Variants in RANBP17 observed in about 807,000 individuals in gnomAD.
The protein encoded by RANBP17 is RAN binding protein 17.
Under a neutral mutation model 141.2 loss-of-function variants are expected in RANBP17, and 158 were observed. That is an observed-to-expected ratio of 1.12 (90% CI 0.98 to 1.28). The LOEUF (loss-of-function observed/expected upper bound fraction) is 1.28. RANBP17 is among the 50% of genes most tolerant of loss of function. The pLI is 0.00. For synonymous variants in RANBP17, 430 were observed against 450.0 expected (o/e 0.96, Z 0.56); for missense variants, 1,438 against 1,290.7 (o/e 1.11, Z -1.75).
At chr5:171,060,708 C>G (rs1337791793) in intron 14 of RANBP17, among the ~76,000 whole-genome samples, 1 of 151,840 alleles carries the variant, frequency 6.6e-6, no homozygotes, top group Non-Finnish European at 1.5e-5. Context: ...CCCTCTTTTT[C>G]TATTGATTGG....
chr5:171,262,488 A>G lies in RANBP17; in HGVS notation c.2777-3193A>G, dbSNP rs1001769464. 3.2e-4 allele frequency among the ~76,000 whole-genome samples: 49 copies of G among 152,198 alleles called. 1 individual carries two copies. The highest frequency in any genetic ancestry group is 3.2e-3 in the Admixed American group (49 of 15,276). On this transcript the variant is annotated intron_variant, in intron 24 of 27. Coordinates refer to ENST00000523189, the MANE Select transcript of RANBP17 (RefSeq NM_022897.5). ...ATCAATCAAATGCCATGTCTTTAGGAGGGAAAGCTCTATTTTTGGCTTTTA... is the reference window on the plus strand; with the variant it reads ...ATCAATCAAATGCCATGTCTTTAGGGGGGAAAGCTCTATTTTTGGCTTTTA...
In RANBP17 at chr5:171,245,802, T is replaced by A. The variant is rs537971649; in HGVS notation, c.2776+2982T>A. On this transcript the variant is annotated intron_variant, in intron 24 of 27. Transcript: ENST00000523189. ...AGTTCCTCCACAAATGACTTCCAGC[T>A]TGTAATCTTCAGGAATTATTTGGCC... Among the ~76,000 whole-genome samples the A allele has an allele frequency of 5.3e-5, 8 of 152,302 alleles. 1 individual carries two copies. The highest frequency in any genetic ancestry group is 1.7e-4 in the African/African-American group (7 of 41,560).
chr5:171,133,550 C>T (rs921622919), intron 14 of RANBP17, among the ~76,000 whole-genome samples: 1 of 152,028 alleles, frequency 6.6e-6, no homozygotes, highest in Non-Finnish European at 1.5e-5. Flanking sequence ...AACAATCTTT[C>T]ATATATACTA....
At chr5:171,019,233 G>C (rs1016811275) in intron 14 of RANBP17, among the ~76,000 whole-genome samples, 1 of 152,018 alleles carries the variant, frequency 6.6e-6, no homozygotes, top group Non-Finnish European at 1.5e-5. Context: ...TATGTCATGT[G>C]TCTTCCCGGC....
At chr5:170,911,198 T>C in intron 7 of RANBP17, 64 bp downstream of exon 7, 1 of 1,418,954 alleles carries the variant, frequency 7.0e-7, no homozygotes, top group Middle Eastern at 1.8e-4. Context: ...CAATATAGTT[T>C]CTGTATGTAT....
chr5:170,958,009 A>G (rs956068508), intron 13 of RANBP17, among the ~76,000 whole-genome samples: 2 of 152,332 alleles, frequency 1.3e-5, no homozygotes, highest in Non-Finnish European at 1.5e-5. Context: ...TATAACTACC[A>G]TGAATAATGA....
intron 14 of RANBP17, among the ~76,000 whole-genome samples, chr5:170,998,102 A>C (rs1053807462): frequency 3.9e-5 from 6 of 152,034 alleles, no homozygotes; most frequent in African/African-American, 9.7e-5. Flanking sequence ...AAAAAAAAAA[A>C]AAACCCTTTT....
intron 14 of RANBP17, among the ~76,000 whole-genome samples, chr5:171,138,514 C>T (rs1757467530): frequency 6.8e-6 from 1 of 146,828 alleles, no homozygotes; most frequent in Non-Finnish European, 1.5e-5. Flanking sequence ...TCCCACCAGG[C>T]AGTTTCTCCT....
rs779964954 is a variant in RANBP17 at position 171,241,108 on chromosome 5, A to C, written c.2603A>C (p.Lys868Thr). 1 of 1,613,838 alleles carries C rather than the reference A, an allele frequency of 6.2e-7. No homozygotes were observed. The highest frequency in any genetic ancestry group is 1.1e-5 in the South Asian group (1 of 91,060). ...HFDNVLQAFV[K>T]MLLSVSHSDL... Reference sequence around the variant, plus strand: ...GACAATGTACTCCAGGCTTTTGTCAAAATGCTGCTGTCAGTGTCCCACAGT... The same window carrying C: ...GACAATGTACTCCAGGCTTTTGTCACAATGCTGCTGTCAGTGTCCCACAGT... The change falls in exon 23 of 28, where the codon AAA (lysine) becomes ACA (threonine). Residue 868 changes from lysine to threonine, a missense_variant. Physicochemically the swap from Lys to Thr is moderately conservative, Grantham distance 78. Coordinates refer to ENST00000523189, the MANE Select transcript of RANBP17 (RefSeq NM_022897.5).
intron 18 of RANBP17, among the ~76,000 whole-genome samples, chr5:171,191,213 C>G (rs1002721366): frequency 2.0e-5 from 3 of 151,956 alleles, no homozygotes; most frequent in Non-Finnish European, 4.4e-5. Context: ...GAAGAGTATT[C>G]TAGAAATAGC....
At chr5:170,902,467 A>G (rs143481425) in intron 5 of RANBP17, among the ~76,000 whole-genome samples, 2,029 of 152,228 alleles carry the variant, frequency 0.013, 47 homozygotes, top group African/African-American at 0.043. Flanking sequence ...GGGTTAGAAC[A>G]TGCTCCTTTA....
At chr5:170,895,972 G>T (rs1770079382) in intron 4 of RANBP17, 78 bp from the exon 5 acceptor site, 3 of 685,266 alleles carry the variant, frequency 4.4e-6, no homozygotes, top group South Asian at 3.4e-5. Flanking sequence ...TTAATTGTTT[G>T]TAAATGTTAC....
chr5:170,878,362 G>A (rs1389466024), intron 2 of RANBP17, 119 bp downstream of exon 2: 1 of 870,222 alleles, frequency 1.1e-6, no homozygotes, highest in African/African-American at 1.7e-5. Flanking sequence ...TTTTGTTTTT[G>A]TGAAACTATA....
chr5:171,249,032 G>A (rs891713844), intron 24 of RANBP17, among the ~76,000 whole-genome samples: 8 of 152,244 alleles, frequency 5.3e-5, no homozygotes, highest in South Asian at 2.1e-4. Context: ...AGACAGGCAC[G>A]TTCATCCCAC....
Position 170,892,526 on chromosome 5 carries a change from T to G in RANBP17, c.396T>G (p.Ile132Met). Reference protein sequence around the residue: ...VQKDQFVFREIIADVKKFLQG... With the variant: ...VQKDQFVFREMIADVKKFLQG... ...AAGACCAATTTGTCTTCAGAGAAAT[T>G]ATTGCTGATGTGAAGAAGTTTCTCC... Residue 132 changes from isoleucine (I) to methionine (M), a missense_variant, in exon 4 of 28, where the codon ATT becomes ATG. Physicochemically the swap from Ile to Met is conservative, Grantham distance 10. Coordinates refer to ENST00000523189, the MANE Select transcript of RANBP17 (RefSeq NM_022897.5). The G allele has an allele frequency of 6.2e-7, 1 of 1,613,792 alleles. No homozygotes were observed. The highest frequency in any genetic ancestry group is 8.5e-7 in the Non-Finnish European group (1 of 1,179,834).
intron 1 of RANBP17, among the ~76,000 whole-genome samples, chr5:170,874,810 G>A (rs1001988174): frequency 2.0e-5 from 3 of 152,078 alleles, no homozygotes; most frequent in Non-Finnish European, 2.9e-5. Context: ...TTTTATTGGG[G>A]CATTTAGCCC....
chr5:171,205,646 GTGCACAGAGGGA>G, intron 20 of RANBP17, 34 bp downstream of exon 20: 7 of 1,526,754 alleles, frequency 4.6e-6, no homozygotes, highest in Non-Finnish European at 6.4e-6. Flanking sequence ...TACCAGCTCT[GTGCACAGAGGGA>G]TGCCAGGCCC....
intron 14 of RANBP17, among the ~76,000 whole-genome samples, chr5:171,078,598 C>T (rs1178862060): frequency 6.6e-6 from 1 of 152,158 alleles, no homozygotes; most frequent in East Asian, 1.9e-4. Flanking sequence ...ACAGGCTAAT[C>T]CAGCTGGTGG....
chr5:171,030,966 T>C (rs1299295936), intron 14 of RANBP17, among the ~76,000 whole-genome samples: 1 of 152,040 alleles, frequency 6.6e-6, no homozygotes, highest in South Asian at 2.1e-4. Flanking sequence ...TTATCCTTCT[T>C]GTATGTTTTT....
Sources: allele counts gnomAD v4.1 joint callset (sites outside exome capture counted in the v4.1 genomes callset), GRCh38; gene constraint gnomAD v4.1.1; transcripts MANE v1.5; gene names NCBI Gene and HGNC (gene_info 2026-07-23, HGNC 2026-07-21).